FNIP1: variants seen among roughly 807,000 people sequenced by gnomAD.
FNIP1 encodes folliculin interacting protein 1, also known as folliculin-interacting protein 1.
A neutral mutation model predicts 124.5 loss-of-function variants in FNIP1; 40 were observed. The ratio of observed to expected loss-of-function variants is 0.32; its 90% CI spans 0.25 to 0.42. FNIP1 has a LOEUF of 0.42. Ranked by LOEUF, FNIP1 falls within the 10% of genes least tolerant of loss-of-function variation. The pLI, the probability that FNIP1 is intolerant of heterozygous loss-of-function variation, is 1.00. For synonymous variants in FNIP1, 472 were observed against 470.6 expected, an observed-to-expected ratio of 1.00 and a Z score of -0.04; for missense variants, 1,176 against 1,403.7, an observed-to-expected ratio of 0.84 and a Z score of 2.59.
chr5:131,705,320 A>T (rs1330160223), intron 9 of FNIP1, among the ~76,000 whole-genome samples: 1 of 151,914 alleles, frequency 6.6e-6, no homozygotes, highest in East Asian at 1.9e-4. Context: ...AAAGAAAAAA[A>T]AAAAATTAGC....
chr5:131,766,447 G>A (rs768725154), intron 1 of FNIP1, among the ~76,000 whole-genome samples: 2 of 152,136 alleles, frequency 1.3e-5, no homozygotes, highest in African/African-American at 2.4e-5. Flanking sequence ...GTTGAATGCT[G>A]GTTAAATCTC....
chr5:131,716,459 A>G (rs931639819), intron 6 of FNIP1, 106 bp downstream of exon 6: 20 of 654,466 alleles, frequency 3.1e-5, no homozygotes, highest in Non-Finnish European at 5.0e-5. Flanking sequence ...AGTATTTGAA[A>G]TTCTTTGTTA....
rs187490509 is a variant in FNIP1 at position 131,768,707 on chromosome 5, G to A, written c.93-24017C>T. Reference sequence around the variant, plus strand: ...CCAGCTACTCGGGAGCCTGAGGCAGGAGAATTGCTTGAACCCGGGAGGCTG... The same window carrying A: ...CCAGCTACTCGGGAGCCTGAGGCAGAAGAATTGCTTGAACCCGGGAGGCTG... On this transcript the variant is annotated intron_variant, in intron 1 of 17. Transcript: ENST00000510461. 2.2e-3 allele frequency among the ~76,000 whole-genome samples: 339 copies of A among 152,242 alleles called. 2 individuals are homozygous for A. The highest frequency in any genetic ancestry group is 7.8e-3 in the African/African-American group (325 of 41,554).
At chr5:131,743,263 T>C (rs562909204) in intron 2 of FNIP1, among the ~76,000 whole-genome samples, 4 of 152,130 alleles carry the variant, frequency 2.6e-5, no homozygotes, top group South Asian at 4.1e-4. Flanking sequence ...GTTTGATTTC[T>C]AGACACTGAT....
At chr5:131,778,873 A>G (rs954630109) in intron 1 of FNIP1, among the ~76,000 whole-genome samples, 3 of 136,878 alleles carry the variant, frequency 2.2e-5, no homozygotes, top group African/African-American at 8.4e-5. Context: ...GGAAACCATC[A>G]TTCTCAGTAA....
intron 6 of FNIP1, 73 bp from the exon 7 acceptor site, chr5:131,710,734 G>A (rs1026011166): frequency 3.0e-5 from 40 of 1,337,476 alleles, no homozygotes; most frequent in Non-Finnish European, 3.9e-5. Context: ...GGGAAAAAAG[G>A]TGAGCTAAGG....
chr5:131,776,078 T>C (rs1292419746), intron 1 of FNIP1, among the ~76,000 whole-genome samples: 1 of 152,248 alleles, frequency 6.6e-6, no homozygotes, highest in African/African-American at 2.4e-5. Flanking sequence ...TATTAGGCTG[T>C]GAGTTCCTTG....
chr5:131,733,506 G>A (rs112408874), intron 2 of FNIP1, among the ~76,000 whole-genome samples: 119,051 of 151,922 alleles, frequency 0.78, 46,881 homozygotes, highest in Middle Eastern at 0.83. Context: ...ATGTCCCATC[G>A]ATACCTAATT....
At chr5:131,763,880 C>T (rs1185232048) in intron 1 of FNIP1, among the ~76,000 whole-genome samples, 3 of 151,940 alleles carry the variant, frequency 2.0e-5, no homozygotes, top group Admixed American at 6.6e-5. Context: ...AGTAAGATAC[C>T]TTTTGATATA....
At chr5:131,774,552 G>T (rs1771740304) in intron 1 of FNIP1, among the ~76,000 whole-genome samples, 2 of 152,052 alleles carry the variant, frequency 1.3e-5, no homozygotes, top group Admixed American at 1.3e-4. Context: ...ATTCACAAAG[G>T]TTCTCTGTTA....
chr5:131,740,748 T>C (rs1433571662), intron 2 of FNIP1, among the ~76,000 whole-genome samples: 1 of 152,198 alleles, frequency 6.6e-6, no homozygotes, highest in African/African-American at 2.4e-5. Flanking sequence ...CTGGGCTGCA[T>C]TCCCAGATGG....
At chr5:131,666,386 G>C (rs866632375) in intron 15 of FNIP1, among the ~76,000 whole-genome samples, 1 of 152,086 alleles carries the variant, frequency 6.6e-6, no homozygotes, top group Non-Finnish European at 1.5e-5. Context: ...CTAAAACAGA[G>C]GGGGAAAGAC....
At chr5:131,767,683 G>C (rs964268184) in intron 1 of FNIP1, among the ~76,000 whole-genome samples, 4 of 151,968 alleles carry the variant, frequency 2.6e-5, no homozygotes, top group Non-Finnish European at 5.9e-5. Context: ...CCTATTTCAA[G>C]GAGTACCATT....
chr5:131,795,400 G>A (rs1441703186), intron 1 of FNIP1, among the ~76,000 whole-genome samples: 2 of 152,092 alleles, frequency 1.3e-5, no homozygotes, highest in East Asian at 3.9e-4. Context: ...TGAGTGACTT[G>A]AGAGCCTTGT....
rs1255686868 is a variant in FNIP1, at chr5:131,698,984, T to G, written c.1135A>C (p.Arg379=). ...CTTCTCTGACTGGCATCAGCTGATC[T>G]CCGGCTCATTTTCATAGCCTTGAAA... is the stretch of plus-strand genomic sequence containing the variant. ...AIEQAMKMSR[R]SADASQRSLA... Residue 379 remains arginine, a synonymous_variant, in exon 11 of 18, where the codon AGA becomes CGA. Coordinates refer to ENST00000510461, the MANE Select transcript of FNIP1 (RefSeq NM_133372.3). 3 of 1,610,470 alleles carry G rather than the reference T, an allele frequency of 1.9e-6. No individual in the cohort carries two copies. Among genetic ancestry groups the G allele is most frequent in the Non-Finnish European group, 2.5e-6 (3 of 1,178,908 alleles).
chr5:131,705,380 G>A lies in FNIP1; in HGVS notation c.914+1031C>T, dbSNP rs184672770. Among the ~76,000 whole-genome samples the A allele has an allele frequency of 3.0e-3, 454 of 152,160 alleles. 7 individuals carry two copies. The highest frequency in any genetic ancestry group is 3.4e-3 in the Non-Finnish European group (231 of 67,994). ...TCCAGTTATTTGAGAGGCTGAGGTG[G>A]AAGGATCACCTGAGCCCAGGGAGGT... On this transcript the variant is annotated intron_variant, in intron 9 of 17. Coordinates refer to ENST00000510461, the MANE Select transcript of FNIP1 (RefSeq NM_133372.3).
intron 1 of FNIP1, among the ~76,000 whole-genome samples, chr5:131,776,021 C>T (rs1347845577): frequency 6.6e-6 from 1 of 152,156 alleles, no homozygotes; most frequent in Non-Finnish European, 1.5e-5. Context: ...TAAATGACTT[C>T]AGCACAATGC....
chr5:131,691,796 T>C (rs1314654990), intron 11 of FNIP1, among the ~76,000 whole-genome samples: 1 of 152,186 alleles, frequency 6.6e-6, no homozygotes, highest in African/African-American at 2.4e-5. Flanking sequence ...GAATAGCCTA[T>C]GTCTACTTAA....
Position 131,672,934 on chromosome 5 carries a change from A to G in FNIP1, c.1520-10T>C. ...GCGCCATACAAGTCTCCTGTAATGG[A>G]AAAAATCAGTTATTGGACATGTCCT... On this transcript the variant is annotated splice_polypyrimidine_tract_variant and intron_variant, in intron 13 of 17. Transcript: ENST00000510461. 6.6e-7 allele frequency: 1 copy of G among 1,516,370 alleles called. No homozygotes were observed. Among genetic ancestry groups the G allele is most frequent in the Non-Finnish European group, 8.8e-7 (1 of 1,133,926 alleles). 93.9% of individuals were successfully genotyped at this position (1,516,370 alleles called of 1,614,324 possible).
Sources: gnomAD v4.1 joint callset for allele counts (sites outside exome capture counted in the v4.1 genomes callset) on GRCh38, gnomAD v4.1.1 for gene constraint, MANE v1.5 for transcripts, NCBI Gene and HGNC (gene_info 2026-07-23, HGNC 2026-07-21) for gene names.